The following OPHN1 variants were observed in gnomAD, a reference collection of about 807,000 sequenced individuals.
OPHN1 encodes the protein oligophrenin 1.
OPHN1 carries 11 observed loss-of-function variants against 60.7 expected under a neutral mutation model. That is an observed-to-expected ratio of 0.18 (90% CI 0.11 to 0.30). OPHN1 has a LOEUF of 0.30. Among genes scored for constraint, OPHN1 ranks in the 10% least tolerant of loss-of-function variants. The pLI is 1.00. For missense variants in OPHN1, 449 were observed against 611.0 expected, an observed-to-expected ratio of 0.73 and a Z score of 2.80; for synonymous variants, 226 against 222.6, an observed-to-expected ratio of 1.02 and a Z score of -0.14.
At chrX:68,157,263 C>T (rs1156452977) in intron 15 of OPHN1, among the ~76,000 whole-genome samples, 1 of 111,711 alleles carries the variant, frequency 9.0e-6, no homozygotes, top group African/African-American at 3.3e-5. Flanking sequence ...GGACAGTGCT[C>T]CTCTGGGGAT....
chrX:68,231,769 T>A (rs1426249283), intron 6 of OPHN1, among the ~76,000 whole-genome samples: 2 of 111,494 alleles, frequency 1.8e-5, no homozygotes, highest in Admixed American at 1.9e-4. Flanking sequence ...CATAAAAAGA[T>A]CAGTGGTGTC....
chrX:68,083,229 C>T (rs1278778388), intron 19 of OPHN1, among the ~76,000 whole-genome samples: 1 of 103,266 alleles, frequency 9.7e-6, no homozygotes, highest in Non-Finnish European at 2.0e-5. Context: ...CCCGCCACTG[C>T]GCCCGGCTAA....
intron 20 of OPHN1, among the ~76,000 whole-genome samples, chrX:68,070,099 T>C (rs2076927428): frequency 9.0e-6 from 1 of 111,684 alleles, no homozygotes; most frequent in Non-Finnish European, 1.9e-5. Flanking sequence ...TGGACACTTT[T>C]ATTGTCTATT....
At chrX:68,278,821 G>A (rs1361358428) in intron 4 of OPHN1, among the ~76,000 whole-genome samples, 1 of 111,772 alleles carries the variant, frequency 8.9e-6, no homozygotes, top group African/African-American at 3.2e-5. Context: ...AGGAGGCGGA[G>A]GCTGCAGTGA....
At chrX:68,229,747 T>G (rs1313431442) in intron 6 of OPHN1, among the ~76,000 whole-genome samples, 1 of 112,307 alleles carries the variant, frequency 8.9e-6, no homozygotes, top group Non-Finnish European at 1.9e-5. Flanking sequence ...CCTTACACCT[T>G]ATACAAAAAT....
chrX:68,050,296 C>T (rs139086132), intron 23 of OPHN1, among the ~76,000 whole-genome samples: 2 of 111,905 alleles, frequency 1.8e-5, no homozygotes, highest in African/African-American at 3.2e-5. Context: ...TTGGTCTTAC[C>T]TACATTCCTG....
intron 2 of OPHN1, among the ~76,000 whole-genome samples, chrX:68,361,809 A>T (rs1430741623): frequency 8.9e-6 from 1 of 111,740 alleles, no homozygotes; most frequent in African/African-American, 3.2e-5. Context: ...ATCATACTGT[A>T]TTCAATAATG....
chrX:68,070,704 T>G (rs1344484442), intron 20 of OPHN1: 1 of 1,073,897 alleles, frequency 9.3e-7, no homozygotes, highest in African/African-American at 1.8e-5. Context: ...CACCACCTCA[T>G]CCATGAGGGC....
intron 2 of OPHN1, among the ~76,000 whole-genome samples, chrX:68,397,524 A>ATTT (rs753432008): frequency 5.1e-4 from 16 of 31,559 alleles, no homozygotes; most frequent in Non-Finnish European, 7.3e-4. Flanking sequence ...TTATTTATTT[A>ATTT]TTTTTTTTTT....
In OPHN1 at chrX:68,371,394, T is replaced by G. The variant is rs367945990; in HGVS notation, c.154+61473A>C. Among the ~76,000 whole-genome samples, 21 of 109,973 alleles carry G rather than the reference T, an allele frequency of 1.9e-4. No individual in the cohort carries two copies. The South Asian group carries it at 8.0e-3, about 42-fold the overall frequency. ...CACCACACCAGGCTAATTTTTGTGTTTTTTTATAGAGACCGAGTTTTGCCA... is the reference window on the plus strand; with the variant it reads ...CACCACACCAGGCTAATTTTTGTGTGTTTTTATAGAGACCGAGTTTTGCCA... On this transcript the variant is annotated intron_variant, in intron 2 of 24. Coordinates refer to ENST00000355520, the MANE Select transcript of OPHN1 (RefSeq NM_002547.3).
At chrX:68,181,032 C>T (rs1214400309) in intron 15 of OPHN1, among the ~76,000 whole-genome samples, 1 of 110,543 alleles carries the variant, frequency 9.0e-6, no homozygotes, top group African/African-American at 3.3e-5. Flanking sequence ...TCATTCAGGC[C>T]CCAACAATGA....
At position 68,043,608 on chromosome X, in the gene OPHN1, A is replaced by C. The variant is rs1164314005; in HGVS notation, c.*3564T>G. On this transcript the variant is annotated 3_prime_UTR_variant, in exon 25 of 25. Transcript: ENST00000355520. ...TATTACAGAATCAAAGAACTTCTTGAAAAGAGAATACTTTCCCATGATAAC... is the reference window on the plus strand; with the variant it reads ...TATTACAGAATCAAAGAACTTCTTGCAAAGAGAATACTTTCCCATGATAAC... 1.8e-5 allele frequency: 2 copies of C among 111,612 alleles called. No homozygotes were observed. Among genetic ancestry groups the C allele is most frequent in the Admixed American group, 1.9e-4 (2 of 10,511 alleles). The allele number at this position is 111,612 out of a possible 1,213,427, so 9.2% of individuals were successfully genotyped here.
At chrX:68,252,057 C>T (rs1282361099) in intron 5 of OPHN1, among the ~76,000 whole-genome samples, 7 of 111,775 alleles carry the variant, frequency 6.3e-5, no homozygotes, top group Admixed American at 9.5e-5. Flanking sequence ...AAAGACCTCA[C>T]GTGTCTCTGC....
chrX:68,218,536 C>G (rs11795784), intron 6 of OPHN1, among the ~76,000 whole-genome samples: 64,837 of 108,523 alleles, frequency 0.6, 17,216 homozygotes, highest in East Asian at 0.87. Flanking sequence ...AGAGAAAGGT[C>G]GGGTTACCCT....
At chrX:68,426,573 T>TATATATATATATATATATATATATA (rs1555987168) in intron 2 of OPHN1, among the ~76,000 whole-genome samples, 1 of 81,621 alleles carries the variant, frequency 1.2e-5, no homozygotes. Context: ...TATATATACA[T>TATATATATATATATATATATATATA]ACACAGAGGC....
chrX:68,408,806 C>T (rs2078756145), intron 2 of OPHN1, among the ~76,000 whole-genome samples: 1 of 112,002 alleles, frequency 8.9e-6, no homozygotes, highest in Non-Finnish European at 1.9e-5. Flanking sequence ...ACTAAAAATA[C>T]AAAAATTGGC....
intron 2 of OPHN1, among the ~76,000 whole-genome samples, chrX:68,308,803 A>C (rs1046185417): frequency 1.8e-5 from 2 of 109,565 alleles, no homozygotes; most frequent in African/African-American, 6.6e-5. Flanking sequence ...TTTTTGAGAC[A>C]GGGTCTAGCT....
intron 15 of OPHN1, chrX:68,132,897 G>T: frequency 2.9e-6 from 1 of 343,492 alleles, no homozygotes; most frequent in Non-Finnish European, 5.1e-6. Context: ...AGCGGCCCAT[G>T]GACTTCGGTA....
At chrX:68,307,224 C>G (rs1214853554) in intron 2 of OPHN1, among the ~76,000 whole-genome samples, 1 of 109,636 alleles carries the variant, frequency 9.1e-6, no homozygotes, top group Non-Finnish European at 1.9e-5. Flanking sequence ...TGCGGATTGC[C>G]TGAAGCTCAG....
Sources: gnomAD v4.1 joint callset for allele counts (sites outside exome capture counted in the v4.1 genomes callset) on GRCh38, gnomAD v4.1.1 for gene constraint, MANE v1.5 for transcripts, NCBI Gene and HGNC (gene_info 2026-07-23, HGNC 2026-07-21) for gene names.